Variants in AK5 observed in about 807,000 individuals in gnomAD.
The protein encoded by AK5 is adenylate kinase isoenzyme 5.
A neutral mutation model predicts 69.5 loss-of-function variants in AK5; 27 were observed. That is an observed-to-expected ratio of 0.39 (90% CI 0.29 to 0.54). The LOEUF (loss-of-function observed/expected upper bound fraction) is 0.54, where lower values mean the gene tolerates loss of function less well. Ranked by LOEUF, AK5 falls within the 20% of genes least tolerant of loss-of-function variation. The pLI is 0.71. For missense variants in AK5, 531 were observed against 700.4 expected (o/e 0.76, Z 2.73); for synonymous variants, 260 against 244.4 (o/e 1.06, Z -0.60).
chr1:77,489,931 C>T (rs1489232797), intron 10 of AK5, among the ~76,000 whole-genome samples: 2 of 152,106 alleles, frequency 1.3e-5, no homozygotes, highest in Admixed American at 1.3e-4. Context: ...AATGTCTTCT[C>T]CCCTATTAAT....
At chr1:77,366,791 C>T (rs1420129222) in intron 6 of AK5, among the ~76,000 whole-genome samples, 1 of 152,106 alleles carries the variant, frequency 6.6e-6, no homozygotes, top group Non-Finnish European at 1.5e-5. Flanking sequence ...TCAGTAAGGT[C>T]AAATCATAAT....
chr1:77,388,014 T>G (rs1292054258), intron 6 of AK5, among the ~76,000 whole-genome samples: 2 of 152,330 alleles, frequency 1.3e-5, no homozygotes, highest in East Asian at 3.9e-4. Flanking sequence ...CTCAGCTGCT[T>G]ATTTTCTTAT....
At chr1:77,434,859 C>G (rs1570118982) in intron 8 of AK5, among the ~76,000 whole-genome samples, 1 of 152,132 alleles carries the variant, frequency 6.6e-6, no homozygotes, top group East Asian at 1.9e-4. Flanking sequence ...GAGTTTACAT[C>G]ATATCATAGA....
intron 8 of AK5, among the ~76,000 whole-genome samples, chr1:77,418,843 T>A (rs111432790): frequency 0.051 from 7,825 of 152,250 alleles, 307 homozygotes; most frequent in South Asian, 0.12. Context: ...TCAGGAGCTA[T>A]TTTCTTGAGT....
At chr1:77,452,210 T>C (rs944871370) in intron 8 of AK5, among the ~76,000 whole-genome samples, 5 of 152,236 alleles carry the variant, frequency 3.3e-5, no homozygotes, top group African/African-American at 1.2e-4. Context: ...TGTATGTATT[T>C]TCAAAATGAG....
chr1:77,406,422 G>A (rs1434276630), intron 6 of AK5, among the ~76,000 whole-genome samples: 5 of 152,012 alleles, frequency 3.3e-5, no homozygotes, highest in Non-Finnish European at 4.4e-5. Context: ...AGAGTTGCAG[G>A]ACAAAAGTAT....
chr1:77,473,606 T>C (rs1654654262), intron 8 of AK5, among the ~76,000 whole-genome samples: 1 of 152,218 alleles, frequency 6.6e-6, no homozygotes, highest in Non-Finnish European at 1.5e-5. Flanking sequence ...AGAAATCTAC[T>C]GATTGTATCT....
chr1:77,304,410 CT>C (rs59515509), intron 5 of AK5, among the ~76,000 whole-genome samples: 25 of 141,962 alleles, frequency 1.8e-4, no homozygotes, highest in African/African-American at 1.6e-4. Flanking sequence ...CTTTTCTTTT[CT>C]TTTTTTTTTT....
chr1:77,438,409 C>A (rs1652105761), intron 8 of AK5, among the ~76,000 whole-genome samples: 1 of 151,306 alleles, frequency 6.6e-6, no homozygotes, highest in Non-Finnish European at 1.5e-5. Flanking sequence ...TGGCTGGAGT[C>A]CCAGAAAAAC....
chr1:77,447,555 T>TA (rs151045720), intron 8 of AK5, among the ~76,000 whole-genome samples: 9,901 of 152,144 alleles, frequency 0.065, 655 homozygotes, highest in East Asian at 0.31. Context: ...TGTTTTCTTT[T>TA]AAAAAAAACC....
chr1:77,555,520 TA>T, intron 13 of AK5, among the ~76,000 whole-genome samples: 1 of 152,300 alleles, frequency 6.6e-6, no homozygotes, highest in Non-Finnish European at 1.5e-5. Context: ...TCCACTTACT[TA>T]ACCACATTAT....
At chr1:77,487,147 A>G (rs942292144) in intron 10 of AK5, among the ~76,000 whole-genome samples, 6 of 152,224 alleles carry the variant, frequency 3.9e-5, no homozygotes, top group African/African-American at 9.6e-5. Flanking sequence ...TTTGAGGTTT[A>G]CCAACATTTT....
chr1:77,367,554 T>TATATATATATATATATATATATATATA (rs59508312), intron 6 of AK5, among the ~76,000 whole-genome samples: 4 of 28,588 alleles, frequency 1.4e-4, no homozygotes, highest in Non-Finnish European at 2.9e-4. Flanking sequence ...ATTTATGTTA[T>TATATATATATATATATATATATATATA]TTTTATATAT....
intron 6 of AK5, among the ~76,000 whole-genome samples, chr1:77,387,990 T>G (rs1310424598): frequency 6.6e-6 from 1 of 152,248 alleles, no homozygotes; most frequent in Admixed American, 6.5e-5. Flanking sequence ...GATACTTTTG[T>G]CTAACATTGA....
chr1:77,434,419 C>T (rs74447431), intron 8 of AK5, among the ~76,000 whole-genome samples: 2,875 of 152,210 alleles, frequency 0.019, 97 homozygotes, highest in African/African-American at 0.065. Flanking sequence ...CTTTGAGGCT[C>T]TCCAGGGCCC....
chr1:77,360,496 G>C (rs555474724), intron 6 of AK5, among the ~76,000 whole-genome samples: 205 of 152,194 alleles, frequency 1.3e-3, no homozygotes, highest in South Asian at 3.5e-3. Flanking sequence ...GAGAAGTTAG[G>C]GGGGGTGGAT....
intron 8 of AK5, among the ~76,000 whole-genome samples, chr1:77,477,589 T>C (rs889955846): frequency 5.9e-5 from 9 of 152,194 alleles, no homozygotes; most frequent in Admixed American, 4.6e-4. Flanking sequence ...TAAGAAAAAA[T>C]TAGAAAAGAC....
chr1:77,445,295 G>C (rs1013200319), intron 8 of AK5, among the ~76,000 whole-genome samples: 1 of 152,152 alleles, frequency 6.6e-6, no homozygotes, highest in Admixed American at 6.5e-5. Flanking sequence ...ACCAACACTT[G>C]TTATGTTGTC....
chr1:77,329,789 T>C (rs1194075036), intron 5 of AK5, among the ~76,000 whole-genome samples: 1 of 152,024 alleles, frequency 6.6e-6, no homozygotes, highest in East Asian at 1.9e-4. Context: ...CAATCCTAAT[T>C]TCACCCCCAG....
Sources: allele counts gnomAD v4.1 joint callset (sites outside exome capture counted in the v4.1 genomes callset), GRCh38; gene constraint gnomAD v4.1.1; transcripts MANE v1.5; gene names NCBI Gene and HGNC (gene_info 2026-07-23, HGNC 2026-07-21).